Variants in ZNF600 observed in about 807,000 individuals in gnomAD.
The protein encoded by ZNF600 is zinc finger protein 600.
Under a neutral mutation model 7.3 loss-of-function variants are expected in ZNF600, and 4 were observed. The ratio of observed to expected loss-of-function variants is 0.55; its 90% confidence interval spans 0.27 to 1.25. The LOEUF (loss-of-function observed/expected upper bound fraction) is 1.25, where lower values mean the gene tolerates loss of function less well. Among genes scored for constraint, ZNF600 ranks in the 50% most tolerant of loss-of-function variants. ZNF600 has a pLI of 0.12. For synonymous variants in ZNF600, 290 were observed against 308.9 expected (o/e 0.94, Z 0.64); for missense variants, 911 against 922.1 (o/e 0.99, Z 0.16).
chr19:52,783,908 A>G (rs117050996), intron 1 of ZNF600, among the ~76,000 whole-genome samples: 18,895 of 152,124 alleles, frequency 0.12, 1,391 homozygotes, highest in Admixed American at 0.22. Context: ...CTTCTGCCTC[A>G]GCCTCCTAAT....
chr19:52,768,354 C>T (rs1408530393), intron 3 of ZNF600, among the ~76,000 whole-genome samples: 2 of 150,442 alleles, frequency 1.3e-5, no homozygotes, highest in African/African-American at 4.9e-5. Flanking sequence ...GCATAAGAAT[C>T]ACCTGAACCT....
At chr19:52,769,184 G>A (rs1308969844) in intron 3 of ZNF600, among the ~76,000 whole-genome samples, 1 of 152,054 alleles carries the variant, frequency 6.6e-6, no homozygotes, top group Non-Finnish European at 1.5e-5. Context: ...TTTCCCCGGG[G>A]GAGTTTAGAG....
chr19:52,820,349 C>T, the ZNF600 span, among the ~76,000 whole-genome samples: 2 of 136,792 alleles, frequency 1.5e-5, no homozygotes, highest in African/African-American at 6.1e-5. Flanking sequence ...GATCTCCTGA[C>T]CTCATGATCC....
intron 3 of ZNF600, among the ~76,000 whole-genome samples, chr19:52,769,822 T>C (rs2062617863): frequency 6.6e-6 from 1 of 152,186 alleles, no homozygotes; most frequent in Non-Finnish European, 1.5e-5. Context: ...CCCAAAGTTC[T>C]GGGATTACAG....
At position 52,774,446 on chromosome 19, in the gene ZNF600, C is replaced by CAA. The variant is rs1363707406; in HGVS notation, c.190+127_190+128dup. 5.4e-4 allele frequency: 479 copies of CAA among 892,132 alleles called. 2 individuals are homozygous for CAA. The African/African-American group carries it at 0.01, about 19-fold the overall frequency. 55.3% of individuals were successfully genotyped at this position (892,132 alleles called of 1,614,324 possible). On this transcript the variant is annotated intron_variant, in intron 3 of 3. Transcript: ENST00000648973. Reference sequence around the variant, plus strand: ...ATCCATCTCAAACAAAAAAACAAAACAAAAAAACAACCAAAAAAAAAAAAA... The same window carrying CAA: ...ATCCATCTCAAACAAAAAAACAAAACAAAAAAAAACAACCAAAAAAAAAAAAA...
intron 3 of ZNF600, among the ~76,000 whole-genome samples, chr19:52,773,493 C>T (rs533575828): frequency 4.0e-5 from 6 of 151,858 alleles, no homozygotes; most frequent in Non-Finnish European, 7.4e-5. Context: ...ATAAGTAAAC[C>T]CTATGAAGAG....
chr19:52,793,729 T>C, the ZNF600 span, among the ~76,000 whole-genome samples: 1 of 148,108 alleles, frequency 6.8e-6, no homozygotes, highest in Admixed American at 6.9e-5. Context: ...ATTGAGCCAC[T>C]GAACTCCAGC....
intron 2 of ZNF600, 124 bp downstream of exon 4, chr19:52,778,702 A>G: frequency 7.5e-7 from 1 of 1,329,056 alleles, no homozygotes; most frequent in Middle Eastern, 2.0e-4. Flanking sequence ...AAGGGCAGGC[A>G]TGGCTGAGTG....
chr19:52,784,799 G>T (rs2062750642), intron 1 of ZNF600, among the ~76,000 whole-genome samples: 1 of 152,170 alleles, frequency 6.6e-6, no homozygotes, highest in South Asian at 2.1e-4. Flanking sequence ...CATGATCTCT[G>T]CTCACAGCAG....
the ZNF600 span, chr19:52,798,627 T>A: frequency 4.4e-4 from 155 of 350,810 alleles, 5 homozygotes; most frequent in South Asian, 2.4e-3. Flanking sequence ...GTATGAATCC[T>A]CCTATGTTTT....
chr19:52,799,481 T>G, the ZNF600 span: 1 of 956,988 alleles, frequency 1.0e-6, no homozygotes, highest in South Asian at 1.5e-5. Flanking sequence ...GTGCAAGGGT[T>G]GTTTTTTGAT....
At chr19:52,828,731 T>C in the ZNF600 span, among the ~76,000 whole-genome samples, 1 of 152,220 alleles carries the variant, frequency 6.6e-6, no homozygotes, top group African/African-American at 2.4e-5. Flanking sequence ...AATGTTTGTA[T>C]TGGCCAAAAG....
chr19:52,811,778 C>T, the ZNF600 span, among the ~76,000 whole-genome samples: 7 of 149,032 alleles, frequency 4.7e-5, no homozygotes, highest in East Asian at 4.1e-4. Flanking sequence ...GTCAGCCCCC[C>T]GCCCGGCCAG....
chr19:52,809,788 G>C, the ZNF600 span: 4 of 505,598 alleles, frequency 7.9e-6, no homozygotes, highest in Admixed American at 3.9e-5. Context: ...CTGGGTGACA[G>C]AGCGAAAAAA....
At chr19:52,788,178 AT>A (rs2062780926), upstream of ZNF600, among the ~76,000 whole-genome samples, 1 of 152,182 alleles carries the variant, frequency 6.6e-6, no homozygotes, top group Non-Finnish European at 1.5e-5. Flanking sequence ...AGAAGATGGA[AT>A]TTAAGTGAAG....
At chr19:52,811,182 G>C in the ZNF600 span, among the ~76,000 whole-genome samples, 7 of 150,786 alleles carry the variant, frequency 4.6e-5, no homozygotes, top group Admixed American at 3.3e-4. Context: ...ATGGAGTCTC[G>C]TTCACTCAGT....
At chr19:52,832,654 G>A in the ZNF600 span, among the ~76,000 whole-genome samples, 1 of 152,232 alleles carries the variant, frequency 6.6e-6, no homozygotes, top group East Asian at 1.9e-4. Flanking sequence ...TATCATTCAA[G>A]CTCTTTGGGA....
rs117282030 is a variant in ZNF600, at chr19:52,774,858, T to C, written c.64-157A>G. Among the ~76,000 whole-genome samples, 663 of 152,336 alleles carry C rather than the reference T, an allele frequency of 4.4e-3. 1 individual carries two copies. Among genetic ancestry groups the C allele is most frequent in the Non-Finnish European group, 6.2e-3 (420 of 68,040 alleles). On this transcript the variant is annotated intron_variant, in intron 2 of 3. Transcript: ENST00000648973. ...ATTTTTTCCCTATAGTTGCATTTTA[T>C]TGTACTTTTCTTTGAAAGATTTTAA...
chr19:52,769,141 C>T (rs1379550878), intron 3 of ZNF600, among the ~76,000 whole-genome samples: 7 of 152,084 alleles, frequency 4.6e-5, no homozygotes, highest in Non-Finnish European at 7.4e-5. Flanking sequence ...GAACAACACC[C>T]GCCACTTAGC....
Sources: gnomAD v4.1 joint callset for allele counts (sites outside exome capture counted in the v4.1 genomes callset) on GRCh38, gnomAD v4.1.1 for gene constraint, MANE v1.5 for transcripts, NCBI Gene and HGNC (gene_info 2026-07-23, HGNC 2026-07-21) for gene names.